CAND1: variants seen among roughly 807,000 people sequenced by gnomAD.
CAND1 encodes cullin associated and neddylation dissociated 1.
A neutral mutation model predicts 108.5 loss-of-function variants in CAND1; 7 were observed. The observed-to-expected ratio is 0.06, with a 90% CI of 0.04 to 0.12. The LOEUF (loss-of-function observed/expected upper bound fraction) is 0.12, where lower values mean the gene tolerates loss of function less well. CAND1 is among the 10% of genes least tolerant of loss of function. CAND1 has a pLI of 1.00. For missense variants in CAND1, 941 were observed against 1,448.7 expected (o/e 0.65, Z 5.69); for synonymous variants, 534 against 512.0 (o/e 1.04, Z -0.58).
At chr12:67,282,520 A>C (rs2044629365) in intron 2 of CAND1, among the ~76,000 whole-genome samples, 1 of 152,022 alleles carries the variant, frequency 6.6e-6, no homozygotes, top group Non-Finnish European at 1.5e-5. Context: ...AGCTCGCTGC[A>C]GCCTTGACCT....
At chr12:67,281,074 T>C (rs530711797) in intron 1 of CAND1, among the ~76,000 whole-genome samples, 21 of 151,744 alleles carry the variant, frequency 1.4e-4, no homozygotes, top group Non-Finnish European at 2.8e-4. Context: ...AACCCTAAAA[T>C]ACAATAATAC....
Position 67,304,652 on chromosome 12 carries a change from T to A in CAND1, c.1341T>A (p.Ser447Arg). 6.2e-7 allele frequency: 1 copy of A among 1,613,864 alleles called. No homozygotes were observed. The highest frequency in any genetic ancestry group is 8.5e-7 in the Non-Finnish European group (1 of 1,179,942). Residue 447 changes from serine to arginine, a missense_variant, in exon 9 of 15, where the codon AGT becomes AGA. Around this residue, in one of 9 missense-constraint regions of CAND1, gnomAD observed 697 missense variants for 942.0 expected, o/e 0.74. Transcript: ENST00000545606. ...KALHKQMKEK[S>R]VKTRQCCFNM... ...TTCACAAACAGATGAAAGAAAAAAG[T>A]GTGAAGACCCGACAGTGTTGTTTTA...
Position 67,304,716 on chromosome 12 carries a change from C to G in CAND1, c.1405C>G (p.Leu469Val). 6.2e-7 allele frequency: 1 copy of G among 1,613,866 alleles called. No individual in the cohort carries two copies. Residue 469 changes from leucine to valine, a missense_variant, in exon 9 of 15, where the codon CTA (leucine) becomes GTA (valine). Leu to Val is a conservative substitution (Grantham distance 32, BLOSUM62 1). This residue lies in a region of CAND1 where 697 missense variants were observed against 942.0 expected (regional missense o/e 0.74). Transcript: ENST00000545606. The stretch of plus-strand genomic sequence containing the variant: ...GCTGGTAAATGTATTACCTGGGGCC[C>G]TAACTCAACACATTCCTGTACTTGT... ...TELVNVLPGA[L>V]TQHIPVLVPG...
chr12:67,273,002 TTTTG>T (rs2044535850), intron 1 of CAND1, among the ~76,000 whole-genome samples: 2 of 152,276 alleles, frequency 1.3e-5, no homozygotes, highest in Middle Eastern at 3.4e-3. Flanking sequence ...ATGCAGGGTT[TTTTG>T]TTTGTTTGTT....
chr12:67,303,292 A>G (rs2044844042), intron 8 of CAND1, among the ~76,000 whole-genome samples: 1 of 152,212 alleles, frequency 6.6e-6, no homozygotes, highest in Non-Finnish European at 1.5e-5. Context: ...AGATTACAAA[A>G]CAGATATTGC....
At chr12:67,303,560 A>G (rs1476262697) in intron 8 of CAND1, among the ~76,000 whole-genome samples, 1 of 152,136 alleles carries the variant, frequency 6.6e-6, no homozygotes. Flanking sequence ...TGTTTTGTCT[A>G]GTTCTTAGAT....
At chr12:67,312,437 A>G (rs1156516639) in intron 14 of CAND1, among the ~76,000 whole-genome samples, 169 bp from the exon 15 acceptor site, 1 of 152,154 alleles carries the variant, frequency 6.6e-6, no homozygotes, top group East Asian at 1.9e-4. Context: ...TTAAAAGAAA[A>G]GGAGACAGCT....
rs1446061946 is a variant in CAND1, at chr12:67,319,484, C to T, written c.*6654C>T. ...GACAAGTAATGAAGAGGGCATAATC[C>T]AAGGGCCAACTCCCATGTTTGGAAC... On this transcript the variant is annotated 3_prime_UTR_variant, in exon 15 of 15. Transcript: ENST00000545606. The T allele has an allele frequency of 6.6e-6, 1 of 152,096 alleles. No individual in the cohort carries two copies. The highest frequency in any genetic ancestry group is 2.4e-5 in the African/African-American group (1 of 41,416). The allele number at this position is 152,096 out of a possible 1,614,324, so 9.4% of individuals were successfully genotyped here.
Position 67,269,656 on chromosome 12 carries a change from G to A in CAND1, c.-62G>A, listed in dbSNP as rs574916772. On this transcript the variant is annotated 5_prime_UTR_variant, in exon 1 of 15. Coordinates refer to ENST00000545606, the MANE Select transcript of CAND1 (RefSeq NM_018448.5). ...GAGGAGCTCCAGTGGCGGCGGCGGCGGCGGCAGCGGCAGCGGGCAGCAGCT... is the reference window on the plus strand; with the variant it reads ...GAGGAGCTCCAGTGGCGGCGGCGGCAGCGGCAGCGGCAGCGGGCAGCAGCT... 1.9e-5 allele frequency: 28 copies of A among 1,451,308 alleles called. No homozygotes were observed. Among genetic ancestry groups the A allele is most frequent in the South Asian group, 3.5e-5 (3 of 84,656 alleles). 89.9% of individuals were successfully genotyped at this position (1,451,308 alleles called of 1,614,324 possible).
At position 67,314,749 on chromosome 12, in the gene CAND1, C is replaced by T. The variant is rs1448638594; in HGVS notation, c.*1919C>T. 6.6e-6 allele frequency: 1 copy of T among 152,056 alleles called. No homozygotes were observed. The highest frequency in any genetic ancestry group is 2.4e-5 in the African/African-American group (1 of 41,418). 9.4% of individuals were successfully genotyped at this position (152,056 alleles called of 1,614,324 possible). The stretch of plus-strand genomic sequence containing the variant: ...AAGATGCATGTTTTGTTTTGTTTTG[C>T]TTTGTTTTTGTCTCTTAAGCCAATT... On this transcript the variant is annotated 3_prime_UTR_variant, in exon 15 of 15. Transcript: ENST00000545606.
chr12:67,281,168 A>G (rs1439074427), intron 1 of CAND1, among the ~76,000 whole-genome samples: 1 of 151,540 alleles, frequency 6.6e-6, no homozygotes, highest in African/African-American at 2.4e-5. Context: ...AGTAAATACT[A>G]AAAATACAAA....
At chr12:67,295,720 G>C (rs1002316235) in intron 4 of CAND1, among the ~76,000 whole-genome samples, 6 of 152,260 alleles carry the variant, frequency 3.9e-5, no homozygotes, top group African/African-American at 1.4e-4. Flanking sequence ...CATTATTTGT[G>C]TGTGTTTTTT....
chr12:67,307,345 G>T (rs546371143), intron 10 of CAND1, 52 bp from the exon 11 acceptor site: 6 of 1,271,400 alleles, frequency 4.7e-6, no homozygotes, highest in Non-Finnish European at 4.6e-6. Flanking sequence ...AATGATGTCC[G>T]TGAGTTTTAG....
chr12:67,305,172 T>C lies in CAND1; in HGVS notation c.1504T>C (p.Tyr502His). 1 of 1,614,086 alleles carries C rather than the reference T, an allele frequency of 6.2e-7. No individual in the cohort carries two copies. The change falls in exon 10 of 15, where the codon TAC becomes CAC. Residue 502 changes from tyrosine (Y) to histidine (H), a missense_variant. Tyr to His is a moderately conservative substitution (Grantham distance 83). Transcript: ENST00000545606. The surrounding 1 kb of genome is among the most constrained non-coding windows in gnomAD (Gnocchi z 4.4). ...GAAGATCGATGCTTTGTCATGTCTA[T>C]ACGTAATCCTCTGTAACCATTCTCC... ...NLKIDALSCL[Y>H]VILCNHSPQV...
At chr12:67,288,771 C>A (rs775309) in intron 2 of CAND1, among the ~76,000 whole-genome samples, 74,503 of 151,998 alleles carry the variant, frequency 0.49, 19,570 homozygotes, top group Non-Finnish European at 0.59. Context: ...GAGATTCTCA[C>A]TACAGTTGGG....
intron 1 of CAND1, among the ~76,000 whole-genome samples, chr12:67,272,213 A>G (rs1298779713): frequency 6.6e-6 from 1 of 152,258 alleles, no homozygotes; most frequent in Non-Finnish European, 1.5e-5. Context: ...TGCTGCCAAA[A>G]TGAAGAGCAA....
chr12:67,305,877 G>A lies in CAND1; in HGVS notation c.2209G>A (p.Glu737Lys). 1 of 1,614,150 alleles carries A rather than the reference G, an allele frequency of 6.2e-7. No individual in the cohort carries two copies. Among genetic ancestry groups the A allele is most frequent in the Non-Finnish European group, 8.5e-7 (1 of 1,180,022 alleles). The change falls in exon 10 of 15, where the codon GAA becomes AAA. Residue 737 changes from glutamate to lysine, a missense_variant. Glu to Lys is a moderately conservative substitution (Grantham distance 56). This residue lies in a region of CAND1 where 697 missense variants were observed against 942.0 expected (regional missense o/e 0.74). Coordinates refer to ENST00000545606, the MANE Select transcript of CAND1 (RefSeq NM_018448.5). The surrounding 1 kb of genome is among the most constrained non-coding windows in gnomAD (Gnocchi z 4.4). ...LSKISGSILNELIGLVRSPLL... is the reference protein window; with the variant it reads ...LSKISGSILNKLIGLVRSPLL... ...AAAGATAAGTGGATCCATTCTCAAT[G>A]AACTTATTGGACTTGTGAGATCACC...
intron 2 of CAND1, chr12:67,282,255 GTATTTTC>G (rs1311975092): frequency 9.0e-6 from 4 of 442,518 alleles, no homozygotes. Flanking sequence ...TTACTAAATG[GTATTTTC>G]TTTTAATTCT....
chr12:67,294,112 T>C (rs2044746620), intron 3 of CAND1, among the ~76,000 whole-genome samples: 2 of 152,224 alleles, frequency 1.3e-5, no homozygotes, highest in Admixed American at 1.3e-4. Context: ...AGAAGTATGT[T>C]ATTTATAATT....
Sources: gnomAD v4.1 joint callset for allele counts (sites outside exome capture counted in the v4.1 genomes callset) on GRCh38, gnomAD v4.1.1 for gene constraint, gnomAD v4.1.1 regional missense constraint, Gnocchi (gnomAD v3.1) non-coding constraint, MANE v1.5 for transcripts, NCBI Gene and HGNC (gene_info 2026-07-23, HGNC 2026-07-21) for gene names.